The following NRXN1 variants were observed in gnomAD, a reference collection of about 807,000 sequenced individuals.
NRXN1 encodes the protein neurexin 1.
In NRXN1, 39 loss-of-function variants were observed where a neutral mutation model predicts 150.9. The observed-to-expected ratio is 0.26, with a 90% confidence interval of 0.20 to 0.34. NRXN1 has a LOEUF of 0.34. Ranked by LOEUF, NRXN1 falls within the 10% of genes least tolerant of loss-of-function variation. The pLI, the probability that NRXN1 is intolerant of heterozygous loss-of-function variation, is 1.00. For synonymous variants in NRXN1, 924 were observed against 757.0 expected, an observed-to-expected ratio of 1.22 and a Z score of -3.62; for missense variants, 1,815 against 1,949.9, an observed-to-expected ratio of 0.93 and a Z score of 1.30.
chr2:49,930,223 T>A (rs1444044686), intron 22 of NRXN1, among the ~76,000 whole-genome samples: 1 of 152,140 alleles, frequency 6.6e-6, no homozygotes, highest in Non-Finnish European at 1.5e-5. Context: ...CTGTAGACTA[T>A]GGAATAAAGT....
intron 18 of NRXN1, among the ~76,000 whole-genome samples, chr2:50,143,256 T>A (rs1394683489): frequency 6.6e-6 from 1 of 151,782 alleles, no homozygotes; most frequent in East Asian, 1.9e-4. Context: ...TATACAAATA[T>A]GCAAAGGGAC....
At chr2:50,309,640 A>G (rs1425740343) in intron 17 of NRXN1, among the ~76,000 whole-genome samples, 1 of 152,170 alleles carries the variant, frequency 6.6e-6, no homozygotes, top group East Asian at 1.9e-4. Context: ...AGGCCAGTTT[A>G]TCACCCAGAA....
At chr2:50,638,767 AT>A (rs762611740) in intron 5 of NRXN1, among the ~76,000 whole-genome samples, 11 of 152,274 alleles carry the variant, frequency 7.2e-5, no homozygotes, top group Non-Finnish European at 1.3e-4. Context: ...TATTTGATAT[AT>A]TTTATAGCCC....
intron 21 of NRXN1, among the ~76,000 whole-genome samples, chr2:50,015,278 T>C (rs540021756): frequency 1.3e-5 from 2 of 152,042 alleles, no homozygotes; most frequent in Admixed American, 6.6e-5. Flanking sequence ...AGCTGTTCCA[T>C]GTTCCTTTAA....
At chr2:50,400,618 G>T (rs141574699) in intron 17 of NRXN1, among the ~76,000 whole-genome samples, 365 of 152,212 alleles carry the variant, frequency 2.4e-3, no homozygotes, top group African/African-American at 8.6e-3. Flanking sequence ...CATTAAAAAG[G>T]TTCCATTGGA....
intron 18 of NRXN1, among the ~76,000 whole-genome samples, chr2:50,207,942 G>A (rs2062733831): frequency 6.6e-6 from 1 of 152,030 alleles, no homozygotes; most frequent in African/African-American, 2.4e-5. Context: ...TTGAAGACCT[G>A]CTTTTCCCCT....
intron 5 of NRXN1, among the ~76,000 whole-genome samples, chr2:50,682,144 TG>T (rs1317570030): frequency 1.3e-5 from 2 of 152,202 alleles, no homozygotes; most frequent in African/African-American, 4.8e-5. Flanking sequence ...AATTCACACC[TG>T]GATTAATTAA....
chr2:50,595,939 G>C (rs759721120), intron 8 of NRXN1, among the ~76,000 whole-genome samples: 5 of 152,164 alleles, frequency 3.3e-5, no homozygotes, highest in Non-Finnish European at 5.9e-5. Flanking sequence ...CTTTCCATCA[G>C]TTTCAACTTC....
chr2:50,005,665 TAGAG>T lies in NRXN1; in HGVS notation c.4128+47602_4128+47605del, dbSNP rs530969528. On this transcript the variant is annotated intron_variant, in intron 21 of 22. Transcript: ENST00000401669. ...CACTCTTCCAGAGCTTCCCATTACCTAGAGAATTAGTCTAACCTCTTTTATAGAG... is the reference window on the plus strand; with the variant it reads ...CACTCTTCCAGAGCTTCCCATTACCTAATTAGTCTAACCTCTTTTATAGAG... Among the ~76,000 whole-genome samples, 48 of 152,164 alleles carry T rather than the reference TAGAG, an allele frequency of 3.2e-4. 2 individuals carry two copies. The highest frequency in any genetic ancestry group is 2.4e-5 in the African/African-American group (1 of 41,446).
chr2:50,482,064 G>A (rs913425850), intron 15 of NRXN1, among the ~76,000 whole-genome samples: 3 of 137,510 alleles, frequency 2.2e-5, no homozygotes, highest in African/African-American at 3.6e-5. Flanking sequence ...CACCGCGCCC[G>A]GCCGAACTTT....
intron 5 of NRXN1, among the ~76,000 whole-genome samples, chr2:50,860,194 C>A (rs1182475326): frequency 6.6e-6 from 1 of 151,486 alleles, no homozygotes; most frequent in Non-Finnish European, 1.5e-5. Context: ...AGCCTTGTGC[C>A]AGTTGCTTTG....
intron 8 of NRXN1, among the ~76,000 whole-genome samples, chr2:50,556,551 T>A (rs986179830): frequency 2.0e-5 from 3 of 151,954 alleles, no homozygotes; most frequent in African/African-American, 7.2e-5. Context: ...GAATTTTACT[T>A]CCTCGCTTCA....
chr2:50,530,779 G>A (rs2093079278), intron 11 of NRXN1, among the ~76,000 whole-genome samples: 1 of 152,200 alleles, frequency 6.6e-6, no homozygotes, highest in East Asian at 1.9e-4. Context: ...CCATGGAGTA[G>A]AGTAAGAACA....
At chr2:50,677,942 A>C in intron 5 of NRXN1, among the ~76,000 whole-genome samples, 1 of 152,246 alleles carries the variant, frequency 6.6e-6, no homozygotes, top group Admixed American at 6.5e-5. Flanking sequence ...GACAAATAGA[A>C]ACATGTATTC....
chr2:50,575,785 T>C (rs1159850859), intron 8 of NRXN1, among the ~76,000 whole-genome samples: 1 of 152,220 alleles, frequency 6.6e-6, no homozygotes, highest in Non-Finnish European at 1.5e-5. Flanking sequence ...TAAATGTTTA[T>C]TCAATGCATT....
chr2:50,906,926 T>C (rs1477078475), intron 5 of NRXN1, among the ~76,000 whole-genome samples: 3 of 151,966 alleles, frequency 2.0e-5, no homozygotes, highest in Non-Finnish European at 1.5e-5. Context: ...CTGAAGGAAA[T>C]TGGAAAAGCC....
chr2:49,962,559 C>T (rs1479024206), intron 21 of NRXN1, among the ~76,000 whole-genome samples: 2 of 152,144 alleles, frequency 1.3e-5, no homozygotes, highest in South Asian at 4.1e-4. Context: ...GCAAATCACT[C>T]CTCATCCTAA....
At chr2:50,065,526 T>A (rs1381252720) in intron 19 of NRXN1, among the ~76,000 whole-genome samples, 3 of 152,260 alleles carry the variant, frequency 2.0e-5, no homozygotes, top group Non-Finnish European at 4.4e-5. Context: ...ACACATGAAA[T>A]CAGTAATCTT....
At chr2:50,056,384 A>C (rs1693624692) in intron 19 of NRXN1, among the ~76,000 whole-genome samples, 1 of 152,148 alleles carries the variant, frequency 6.6e-6, no homozygotes, top group African/African-American at 2.4e-5. Context: ...TCAATTTGTC[A>C]TCTGAATGTC....
Sources: allele counts gnomAD v4.1 joint callset (sites outside exome capture counted in the v4.1 genomes callset), GRCh38; gene constraint gnomAD v4.1.1; transcripts MANE v1.5; gene names NCBI Gene and HGNC (gene_info 2026-07-23, HGNC 2026-07-21).